Variants in STX2 observed in about 807,000 individuals in gnomAD.
The protein encoded by STX2 is syntaxin 2, also known as syntaxin-2.
Under a neutral mutation model 40.6 loss-of-function variants are expected in STX2, and 27 were observed. The observed-to-expected ratio is 0.66, with a 90% CI of 0.49 to 0.92. The LOEUF is 0.92. Ranked by LOEUF, STX2 falls within the 40% of genes least tolerant of loss-of-function variation. The pLI is 0.00. For synonymous variants in STX2, 123 were observed against 119.1 expected, an observed-to-expected ratio of 1.03 and a Z score of -0.22; for missense variants, 328 against 366.1, an observed-to-expected ratio of 0.90 and a Z score of 0.85.
At chr12:130,837,876 G>T (rs545165887) in intron 1 of STX2, among the ~76,000 whole-genome samples, 28 of 152,170 alleles carry the variant, frequency 1.8e-4, no homozygotes, top group African/African-American at 5.6e-4. Flanking sequence ...AAAAATCACC[G>T]TGAAGAAACT....
chr12:130,821,160 G>C (rs1251377925), intron 3 of STX2, among the ~76,000 whole-genome samples: 1 of 152,190 alleles, frequency 6.6e-6, no homozygotes, highest in Non-Finnish European at 1.5e-5. Context: ...TCAAAAGGAA[G>C]CAAATGTGAG....
chr12:130,816,815 T>G (rs1014591954), intron 3 of STX2, among the ~76,000 whole-genome samples: 1 of 152,144 alleles, frequency 6.6e-6, no homozygotes, highest in Non-Finnish European at 1.5e-5. Context: ...GCCAACTCCA[T>G]AAAAGGCAGC....
At chr12:130,834,953 A>C (rs1952707125) in intron 1 of STX2, among the ~76,000 whole-genome samples, 1 of 152,264 alleles carries the variant, frequency 6.6e-6, no homozygotes, top group Non-Finnish European at 1.5e-5. Flanking sequence ...TCAAAAAATA[A>C]CTTTTAAAAA....
rs1332883926 is a variant in STX2, at chr12:130,839,079, G to A, written c.21C>T (p.Asp7=). 6.4e-5 allele frequency: 85 copies of A among 1,331,454 alleles called. No homozygotes were observed. The highest frequency in any genetic ancestry group is 7.8e-5 in the Non-Finnish European group (81 of 1,037,100). 82.5% of individuals were successfully genotyped at this position (1,331,454 alleles called of 1,614,324 possible). A position where few individuals can be genotyped will look rare whatever the true frequency, so the allele number is the denominator to read the frequency against. The part of the protein sequence containing the change: MRDRLP[D]LTACRKNDDG... ...CGCGGCTGCCGCTCACCGCCGTCAG[G>A]TCTGGCAGCCGGTCCCGCATCCCCG... is the stretch of plus-strand genomic sequence containing the variant. The change falls in exon 1 of 11, where the codon GAC becomes GAT. Residue 7 remains aspartate, a synonymous_variant. Transcript: ENST00000392373.
At chr12:130,805,665 A>G (rs1230579637) in intron 6 of STX2, among the ~76,000 whole-genome samples, 7 of 152,204 alleles carry the variant, frequency 4.6e-5, no homozygotes, top group Non-Finnish European at 5.9e-5. Flanking sequence ...CAGGCCCTCA[A>G]ATAAAGCTGC....
At position 130,827,717 on chromosome 12, in the gene STX2, C is replaced by T. The variant is rs1178369333; in HGVS notation, c.31-450G>A. 2.0e-5 allele frequency among the ~76,000 whole-genome samples: 3 copies of T among 152,300 alleles called. No homozygotes were observed. In the East Asian group the frequency reaches 5.8e-4, roughly 29 times the overall value. On this transcript the variant is annotated intron_variant, in intron 1 of 10. Coordinates refer to ENST00000392373, the MANE Select transcript of STX2 (RefSeq NM_194356.4). ...ATGCTTAAGTCCAGGAATTCAAGAC[C>T]GGCCTGGGCAACATGGTGAAAACCT...
chr12:130,827,073 G>C (rs1335044696), intron 2 of STX2, 120 bp downstream of exon 2: 2 of 576,322 alleles, frequency 3.5e-6, no homozygotes, highest in African/African-American at 2.2e-5. Flanking sequence ...AAGGGAGGGA[G>C]GGAGGGGTGG....
At chr12:130,829,963 C>T (rs1952494976) in intron 1 of STX2, among the ~76,000 whole-genome samples, 1 of 152,206 alleles carries the variant, frequency 6.6e-6, no homozygotes, top group Non-Finnish European at 1.5e-5. Context: ...CTCACACCTC[C>T]CTGCTCTGCC....
At chr12:130,811,845 T>G (rs4759790) in intron 4 of STX2, among the ~76,000 whole-genome samples, 74,654 of 151,926 alleles carry the variant, frequency 0.49, 20,417 homozygotes, top group East Asian at 0.87. Flanking sequence ...AGGCCACCAT[T>G]AACATCTTAA....
chr12:130,820,267 T>G (rs939416508), intron 3 of STX2, among the ~76,000 whole-genome samples: 1 of 152,170 alleles, frequency 6.6e-6, no homozygotes, highest in African/African-American at 2.4e-5. Flanking sequence ...CAACATAAGC[T>G]ACAGAGAATA....
At chr12:130,822,915 C>T (rs1952170128) in intron 2 of STX2, among the ~76,000 whole-genome samples, 1 of 152,206 alleles carries the variant, frequency 6.6e-6, no homozygotes, top group South Asian at 2.1e-4. Context: ...TCTTAGAAGA[C>T]AGCAGTAGAT....
intron 3 of STX2, among the ~76,000 whole-genome samples, chr12:130,818,655 AG>A (rs1565925336): frequency 1.3e-4 from 20 of 151,606 alleles, no homozygotes; most frequent in African/African-American, 4.6e-4. Flanking sequence ...GCGGCGCTGG[AG>A]ATGGAGACGA....
At chr12:130,831,733 C>A (rs1309873869) in intron 1 of STX2, among the ~76,000 whole-genome samples, 1 of 152,070 alleles carries the variant, frequency 6.6e-6, no homozygotes, top group Non-Finnish European at 1.5e-5. Flanking sequence ...GTGAATTACA[C>A]TTTTATACCT....
chr12:130,829,897 C>T (rs1007765132), intron 1 of STX2, among the ~76,000 whole-genome samples: 3 of 152,292 alleles, frequency 2.0e-5, no homozygotes, highest in Admixed American at 6.5e-5. Flanking sequence ...CCCTGAGCCC[C>T]GGGCCATAAA....
At chr12:130,827,371 C>T in intron 1 of STX2, 104 bp from the exon 2 acceptor site, 3 of 807,382 alleles carry the variant, frequency 3.7e-6, no homozygotes, top group Non-Finnish European at 6.1e-6. Flanking sequence ...TCTCAACTCA[C>T]TACAGCACCA....
intron 2 of STX2, 124 bp from the exon 3 acceptor site, chr12:130,821,912 C>G (rs1952131244): frequency 3.3e-6 from 2 of 598,704 alleles, no homozygotes; most frequent in East Asian, 2.9e-5. Context: ...AAAAGCCTCT[C>G]CCATTCTCAC....
chr12:130,823,248 G>T (rs951935370), intron 2 of STX2, among the ~76,000 whole-genome samples: 7 of 152,180 alleles, frequency 4.6e-5, no homozygotes, highest in Non-Finnish European at 8.8e-5. Flanking sequence ...GGAAGTTGAG[G>T]CTGTAGTGAG....
At chr12:130,820,859 C>G (rs1248684686) in intron 3 of STX2, among the ~76,000 whole-genome samples, 2 of 152,066 alleles carry the variant, frequency 1.3e-5, no homozygotes, top group African/African-American at 4.8e-5. Flanking sequence ...GATTCAAAGA[C>G]TCAACGTTGT....
chr12:130,801,805 C>T (rs1471544523), intron 6 of STX2, among the ~76,000 whole-genome samples: 1 of 152,136 alleles, frequency 6.6e-6, no homozygotes, highest in Non-Finnish European at 1.5e-5. Flanking sequence ...TTTAACTCCG[C>T]CTCATGTAAA....
Sources: allele counts gnomAD v4.1 joint callset (sites outside exome capture counted in the v4.1 genomes callset), GRCh38; gene constraint gnomAD v4.1.1; transcripts MANE v1.5; gene names NCBI Gene and HGNC (gene_info 2026-07-23, HGNC 2026-07-21).